SMG1: variants seen among roughly 807,000 people sequenced by gnomAD.
SMG1 encodes the protein serine/threonine-protein kinase SMG1.
In SMG1, 22 loss-of-function variants were observed where a neutral mutation model predicts 419.9. The ratio of observed to expected loss-of-function variants is 0.05; its 90% CI spans 0.04 to 0.07. SMG1 has a LOEUF of 0.07. SMG1 is among the 10% of genes least tolerant of loss of function. The pLI, the probability that SMG1 is intolerant of heterozygous loss-of-function variation, is 1.00. For missense variants in SMG1, 3,185 were observed against 4,342.0 expected (o/e 0.73, Z 7.49); for synonymous variants, 1,538 against 1,553.5 (o/e 0.99, Z 0.23).
chr16:18,849,688 T>C (rs1049339381), intron 35 of SMG1, among the ~76,000 whole-genome samples: 1 of 152,156 alleles, frequency 6.6e-6, no homozygotes, highest in Non-Finnish European at 1.5e-5. Flanking sequence ...AGAGGGTATA[T>C]AAAACCTTTT....
In SMG1 at chr16:18,808,423, A is replaced by G. The variant is rs1380867537; in HGVS notation, c.*1146T>C. On this transcript the variant is annotated 3_prime_UTR_variant, in exon 63 of 63. Transcript: ENST00000446231. ...TCAAATGAAAAACATGAATTAAAAAAATTTCAGTCTACCTCCACCAGAACA... is the reference window on the plus strand; with the variant it reads ...TCAAATGAAAAACATGAATTAAAAAGATTTCAGTCTACCTCCACCAGAACA... 1 of 152,204 alleles carries G rather than the reference A, an allele frequency of 6.6e-6. No homozygotes were observed. The highest frequency in any genetic ancestry group is 1.5e-5 in the Non-Finnish European group (1 of 68,036). The allele number at this position is 152,204 out of a possible 1,614,324, so 9.4% of individuals were successfully genotyped here.
chr16:18,817,386 A>G lies in SMG1; in HGVS notation c.9979T>C (p.Phe3327Leu), dbSNP rs763272531. 3.7e-6 allele frequency: 6 copies of G among 1,609,186 alleles called. No homozygotes were observed. Among genetic ancestry groups the G allele is most frequent in the South Asian group, 1.1e-5 (1 of 90,096 alleles). ...AEALNLDAAL[F>L]ELIKRCQQMC... The stretch of plus-strand genomic sequence containing the variant: ...TGCTGACATCGCTTGATTAGTTCAA[A>G]TAACGCCGCATCCAGGTTTAAGGCT... The change falls in exon 57 of 63, where the codon TTT (phenylalanine) becomes CTT (leucine). Residue 3327 changes from phenylalanine to leucine, a missense_variant. Coordinates refer to ENST00000446231, the MANE Select transcript of SMG1 (RefSeq NM_015092.5).
chr16:18,854,788 C>A lies in SMG1; in HGVS notation c.4351G>T (p.Val1451Phe). Residue 1451 changes from valine (V) to phenylalanine (F), a missense_variant, in exon 30 of 63, where the codon GTT becomes TTT. By Grantham distance (50) the Val-to-Phe change is conservative. Transcript: ENST00000446231. The part of the protein sequence containing the change: ...ATRLLAQCSE[V>F]QLGKTTTAQD... Reference sequence around the variant, plus strand: ...GCAGTGGTGGTCTTTCCCAGCTGAACTTCACTGCACTGTGCCAGCAGTCTT... The same window carrying A: ...GCAGTGGTGGTCTTTCCCAGCTGAAATTCACTGCACTGTGCCAGCAGTCTT... 1 of 1,614,048 alleles carries A rather than the reference C, an allele frequency of 6.2e-7. No individual in the cohort carries two copies. Among genetic ancestry groups the A allele is most frequent in the Non-Finnish European group, 8.5e-7 (1 of 1,179,892 alleles).
At chr16:18,826,964 C>T (rs2032725442) in intron 55 of SMG1, among the ~76,000 whole-genome samples, 1 of 43,592 alleles carries the variant, frequency 2.3e-5, no homozygotes, top group Non-Finnish European at 6.1e-5. Context: ...TCTCGTGGTG[C>T]GCCGTTTCTT....
chr16:18,852,620 T>A (rs1329678048), intron 31 of SMG1, among the ~76,000 whole-genome samples, 158 bp from the exon 32 acceptor site: 1 of 152,252 alleles, frequency 6.6e-6, no homozygotes, highest in Non-Finnish European at 1.5e-5. Flanking sequence ...GGCACAAATA[T>A]GAATTATGTT....
At chr16:18,860,169 G>C (rs2035139781) in intron 26 of SMG1, among the ~76,000 whole-genome samples, 1 of 152,220 alleles carries the variant, frequency 6.6e-6, no homozygotes, top group African/African-American at 2.4e-5. Context: ...AGTGAGCCGA[G>C]ATTGCGCCAC....
rs1242456473 is a variant in SMG1, at chr16:18,859,319, AATG to A, written c.3954-141_3954-139del. 7.9e-5 allele frequency: 52 copies of A among 654,146 alleles called. No homozygotes were observed. The East Asian group carries it at 1.4e-3, about 17-fold the overall frequency. The allele number at this position is 654,146 out of a possible 1,614,324, so 40.5% of individuals were successfully genotyped here. On this transcript the variant is annotated intron_variant, in intron 27 of 62. Transcript: ENST00000446231. ...AGAGGAGCAGCCTGCTCTATAATAA[AATG>A]ATATTAGCAAGTCAAGACATTTGCT... is the stretch of plus-strand genomic sequence containing the variant.
chr16:18,816,859 T>C (rs940542801), intron 57 of SMG1, among the ~76,000 whole-genome samples: 2 of 152,238 alleles, frequency 1.3e-5, no homozygotes, highest in African/African-American at 4.8e-5. Context: ...GTGAACTTCC[T>C]AACATACAGC....
At chr16:18,893,282 C>T (rs2036965145) in intron 3 of SMG1, among the ~76,000 whole-genome samples, 1 of 152,172 alleles carries the variant, frequency 6.6e-6, no homozygotes, top group Non-Finnish European at 1.5e-5. Context: ...ATCACAAGAA[C>T]AAGCAAACAA....
intron 1 of SMG1, among the ~76,000 whole-genome samples, chr16:18,909,349 AG>A (rs2037705307): frequency 6.6e-6 from 1 of 152,066 alleles, no homozygotes; most frequent in African/African-American, 2.4e-5. Context: ...TCTCAAAAAA[AG>A]GAAAAAATAA....
In SMG1 at chr16:18,808,546, T is replaced by A. The variant is rs1400237762; in HGVS notation, c.*1023A>T. 2 of 152,248 alleles carry A rather than the reference T, an allele frequency of 1.3e-5. No individual in the cohort carries two copies. 9.4% of individuals were successfully genotyped at this position (152,248 alleles called of 1,614,324 possible). On this transcript the variant is annotated 3_prime_UTR_variant, in exon 63 of 63. Coordinates refer to ENST00000446231, the MANE Select transcript of SMG1 (RefSeq NM_015092.5). ...AAAAGATTACACTGGATTAGCTACTTTCTATGAAAGAAACTACAGCTATCA... is the reference window on the plus strand; with the variant it reads ...AAAAGATTACACTGGATTAGCTACTATCTATGAAAGAAACTACAGCTATCA...
At chr16:18,827,571 A>G (rs1433140004) in intron 55 of SMG1, among the ~76,000 whole-genome samples, 5 of 142,150 alleles carry the variant, frequency 3.5e-5, no homozygotes, top group Non-Finnish European at 7.6e-5. Flanking sequence ...TGGTATAAAT[A>G]TACCAAAATA....
At chr16:18,817,524 G>C in intron 56 of SMG1, 54 bp from the exon 57 acceptor site, 1 of 1,388,136 alleles carries the variant, frequency 7.2e-7, no homozygotes, top group Non-Finnish European at 9.7e-7. Flanking sequence ...GTGGGAAAGG[G>C]AGGTGGCAAT....
chr16:18,925,875 C>T, intron 1 of SMG1, 75 bp downstream of exon 1: 1 of 1,171,440 alleles, frequency 8.5e-7, no homozygotes. Flanking sequence ...GCCTCCCAGC[C>T]CCGCGGCCCT....
chr16:18,892,548 A>G (rs1376393552), intron 3 of SMG1, among the ~76,000 whole-genome samples, 194 bp from the exon 4 acceptor site: 1 of 152,138 alleles, frequency 6.6e-6, no homozygotes, highest in East Asian at 1.9e-4. Flanking sequence ...ACATGGTGAA[A>G]CCCTGTCTCC....
chr16:18,919,287 A>G (rs963628528), intron 1 of SMG1, among the ~76,000 whole-genome samples: 3 of 151,748 alleles, frequency 2.0e-5, no homozygotes, highest in African/African-American at 7.3e-5. Context: ...AGACTGCACC[A>G]GTGCATTTCA....
At chr16:18,923,459 C>G (rs2142041476) in intron 1 of SMG1, among the ~76,000 whole-genome samples, 1 of 152,226 alleles carries the variant, frequency 6.6e-6, no homozygotes, top group African/African-American at 2.4e-5. Context: ...GGCTGGCCAA[C>G]ATGGTGGAAT....
In SMG1 at chr16:18,819,848, T is replaced by C. The variant is rs556427923; in HGVS notation, c.9742-194A>G. Among the ~76,000 whole-genome samples, 37 of 152,370 alleles carry C rather than the reference T, an allele frequency of 2.4e-4. 1 individual carries two copies. The South Asian group carries it at 7.2e-3, about 30-fold the overall frequency. The stretch of plus-strand genomic sequence containing the variant: ...TTGAACATTTAAGGCCAAACATGTA[T>C]GGAGAGAGAGGCAAGAACTGGCTTT... On this transcript the variant is annotated intron_variant, in intron 55 of 62. Coordinates refer to ENST00000446231, the MANE Select transcript of SMG1 (RefSeq NM_015092.5).
intron 55 of SMG1, among the ~76,000 whole-genome samples, chr16:18,820,045 A>T (rs1010375940): frequency 5.9e-5 from 9 of 152,056 alleles, no homozygotes; most frequent in African/African-American, 2.2e-4. Flanking sequence ...AGCTCACTGC[A>T]ACCTCTGTCA....
Sources: gnomAD v4.1 joint callset for allele counts (sites outside exome capture counted in the v4.1 genomes callset) on GRCh38, gnomAD v4.1.1 for gene constraint, MANE v1.5 for transcripts, NCBI Gene and HGNC (gene_info 2026-07-23, HGNC 2026-07-21) for gene names.